The following PAH variants were observed in gnomAD, a reference collection of about 807,000 sequenced individuals.
The protein encoded by PAH is phenylalanine-4-hydroxylase.
Under a neutral mutation model 62.0 loss-of-function variants are expected in PAH, and 64 were observed. That is an observed-to-expected ratio of 1.03 (90% CI 0.84 to 1.27). The LOEUF (loss-of-function observed/expected upper bound fraction) is 1.27. PAH is among the 50% of genes most tolerant of loss of function. The probability of loss-of-function intolerance (pLI) is 0.00; values close to 1 mark genes in which losing one functional copy is unlikely to be tolerated. For missense variants in PAH, 579 were observed against 542.8 expected, an observed-to-expected ratio of 1.07 and a Z score of -0.66; for synonymous variants, 195 against 196.2, an observed-to-expected ratio of 0.99 and a Z score of 0.05.
At chr12:102,843,261 A>G (rs1874667425) in intron 11 of PAH, among the ~76,000 whole-genome samples, 1 of 152,142 alleles carries the variant, frequency 6.6e-6, no homozygotes, top group Non-Finnish European at 1.5e-5. Flanking sequence ...TAGAGATTAA[A>G]TTTGGGTAAA....
At position 102,958,269 on chromosome 12, in the gene PAH, A is replaced by G. The variant is rs2136784885; in HGVS notation, c.-170T>C. The G allele has an allele frequency of 5.4e-6, 8 of 1,474,200 alleles. No individual in the cohort carries two copies. The South Asian group carries it at 1.0e-4, about 19-fold the overall frequency. 91.3% of individuals were successfully genotyped at this position (1,474,200 alleles called of 1,614,324 possible). ...CATGGAAAGCTCTGCCAAGATGGAG[A>G]GCGGCGGCGCCGGCCAGCAGCCCCA... On this transcript the variant is annotated 5_prime_UTR_variant, in exon 1 of 5. Transcript: ENST00000551337.
chr12:102,845,217 G>T (rs1874783343), intron 9 of PAH, among the ~76,000 whole-genome samples: 1 of 152,160 alleles, frequency 6.6e-6, no homozygotes, highest in South Asian at 2.1e-4. Flanking sequence ...AGTGCTGGCT[G>T]AATGTAAAGC....
chr12:102,911,569 C>A (rs1878202503), intron 2 of PAH, among the ~76,000 whole-genome samples: 1 of 152,118 alleles, frequency 6.6e-6, no homozygotes, highest in African/African-American at 2.4e-5. Flanking sequence ...TGAATAAGAT[C>A]ATGTCTATAA....
At chr12:102,896,247 G>A (rs1877498343) in intron 2 of PAH, among the ~76,000 whole-genome samples, 1 of 152,194 alleles carries the variant, frequency 6.6e-6, no homozygotes, top group Non-Finnish European at 1.5e-5. Flanking sequence ...GAGAGGTGAA[G>A]GCCGGAAGGT....
chr12:102,943,344 A>G (rs113605985), intron 1 of PAH, among the ~76,000 whole-genome samples: 4,901 of 152,296 alleles, frequency 0.032, 276 homozygotes, highest in African/African-American at 0.11. Flanking sequence ...ATCATTAGAG[A>G]AATGCAAATC....
At chr12:102,868,692 G>C (rs900300010) in intron 4 of PAH, among the ~76,000 whole-genome samples, 1 of 151,930 alleles carries the variant, frequency 6.6e-6, no homozygotes, top group Non-Finnish European at 1.5e-5. Context: ...TGGGCACCAT[G>C]ATTTACTTTC....
intron 5 of PAH, 51 bp from the exon 6 acceptor site, chr12:102,855,383 G>A: frequency 6.6e-7 from 1 of 1,518,566 alleles, no homozygotes; most frequent in South Asian, 1.1e-5. Flanking sequence ...GGGCACAGCA[G>A]AACGCAGGTT....
chr12:102,902,697 A>G (rs1040613842), intron 2 of PAH, among the ~76,000 whole-genome samples: 65 of 152,356 alleles, frequency 4.3e-4, no homozygotes, highest in African/African-American at 1.3e-3. Flanking sequence ...TAAATTCTAC[A>G]GGGAGCTCAA....
At chr12:102,939,096 GC>G (rs1188018413) in intron 1 of PAH, among the ~76,000 whole-genome samples, 4 of 152,086 alleles carry the variant, frequency 2.6e-5, no homozygotes, top group Non-Finnish European at 5.9e-5. Context: ...TTCCCTGTGA[GC>G]TCCTGACACC....
At chr12:102,937,847 G>T (rs1449650734) in intron 1 of PAH, among the ~76,000 whole-genome samples, 2 of 152,118 alleles carry the variant, frequency 1.3e-5, no homozygotes, top group Non-Finnish European at 2.9e-5. Flanking sequence ...ATTTCATGTA[G>T]GATAAGTTTG....
At chr12:102,851,904 G>T in intron 7 of PAH, 148 bp from the exon 8 acceptor site, 2 of 665,686 alleles carry the variant, frequency 3.0e-6, no homozygotes. Flanking sequence ...GATATGCAGA[G>T]GTTGGGATCA....
chr12:102,918,111 C>A (rs113328412), upstream of PAH, among the ~76,000 whole-genome samples: 94 of 152,288 alleles, frequency 6.2e-4, no homozygotes, highest in African/African-American at 2.2e-3. Context: ...AGGGCTAAGT[C>A]TTTTGAAGAA....
At chr12:102,883,331 C>T (rs1876899428) in intron 3 of PAH, among the ~76,000 whole-genome samples, 1 of 152,196 alleles carries the variant, frequency 6.6e-6, no homozygotes, top group African/African-American at 2.4e-5. Context: ...TCCCCACAGA[C>T]CTCAGTCAGG....
chr12:102,941,287 G>A (rs1593002577), intron 1 of PAH, among the ~76,000 whole-genome samples: 1 of 152,002 alleles, frequency 6.6e-6, no homozygotes, highest in Admixed American at 6.6e-5. Context: ...CACAATAATA[G>A]GATCAAATCT....
At chr12:102,851,471 AT>A (rs1301175740) in intron 8 of PAH, among the ~76,000 whole-genome samples, 1 of 152,166 alleles carries the variant, frequency 6.6e-6, no homozygotes, top group East Asian at 1.9e-4. Context: ...GAACACACAT[AT>A]GATTCAGAGG....
chr12:102,957,283 T>C lies in PAH; in HGVS notation c.-96+912A>G, dbSNP rs974221225. Among the ~76,000 whole-genome samples the C allele has an allele frequency of 6.6e-6, 1 of 152,104 alleles. No individual in the cohort carries two copies. The highest frequency in any genetic ancestry group is 6.5e-5 in the Admixed American group (1 of 15,278). On this transcript the variant is annotated intron_variant, in intron 1 of 4. Transcript: ENST00000551337. The surrounding 1 kb of genome is among the most constrained non-coding windows in gnomAD (Gnocchi z 4.1). Reference sequence around the variant, plus strand: ...ATCCAAGAGAGCTTCACCCCAAGTCTTTCCACCTATACACCTCAATTCCTA... The same window carrying C: ...ATCCAAGAGAGCTTCACCCCAAGTCCTTCCACCTATACACCTCAATTCCTA...
upstream of PAH, among the ~76,000 whole-genome samples, chr12:102,919,764 G>A (rs1878508912): frequency 6.6e-6 from 1 of 152,086 alleles, no homozygotes; most frequent in Non-Finnish European, 1.5e-5. Context: ...CCATGTTATT[G>A]CAAATAACAG....
intron 4 of PAH, among the ~76,000 whole-genome samples, chr12:102,867,102 A>G (rs888046257): frequency 6.6e-6 from 1 of 152,240 alleles, no homozygotes; most frequent in East Asian, 1.9e-4. Context: ...ATTTTTAAAA[A>G]TACCATTGAT....
chr12:102,847,008 A>G (rs1874881779), intron 8 of PAH, 57 bp from the exon 9 acceptor site: 24 of 1,439,866 alleles, frequency 1.7e-5, no homozygotes. Flanking sequence ...CCACAGAACC[A>G]ACCTAGTACT....
Sources: allele counts gnomAD v4.1 joint callset (sites outside exome capture counted in the v4.1 genomes callset), GRCh38; gene constraint gnomAD v4.1.1; non-coding constraint Gnocchi (gnomAD v3.1); transcripts MANE v1.5; gene names NCBI Gene and HGNC (gene_info 2026-07-23, HGNC 2026-07-21).